Variants in CD2BP2 observed in about 807,000 individuals in gnomAD.
CD2BP2 encodes CD2 cytoplasmic tail binding protein 2.
Under a neutral mutation model 35.9 loss-of-function variants are expected in CD2BP2, and 27 were observed. That is an observed-to-expected ratio of 0.75 (90% CI 0.55 to 1.04). The LOEUF is 1.04. Among genes scored for constraint, CD2BP2 ranks in the 50% least tolerant of loss-of-function variants. CD2BP2 has a pLI of 0.00. For synonymous variants in CD2BP2, 213 were observed against 173.5 expected (o/e 1.23, Z -1.79); for missense variants, 497 against 444.3 (o/e 1.12, Z -1.07).
chr16:30,353,070 G>C lies in CD2BP2; in HGVS notation c.941C>G (p.Pro314Arg), dbSNP rs768023069. 6.2e-7 allele frequency: 1 copy of C among 1,613,958 alleles called. No individual in the cohort carries two copies. Among genetic ancestry groups the C allele is most frequent in the Non-Finnish European group, 8.5e-7 (1 of 1,179,918 alleles). Residue 314 changes from proline to arginine, a missense_variant, in exon 7 of 7, where the codon CCG becomes CGG. Coordinates refer to ENST00000305596, the MANE Select transcript of CD2BP2 (RefSeq NM_006110.3). ...CAGCTTCCGGCAATAAACACCGTCC[G>C]GGAAGTAGCCTTCACTCACCCAGGT... ...MQTWVSEGYF[P>R]DGVYCRKLDP...
At position 30,353,913 on chromosome 16, in the gene CD2BP2, G is replaced by A. The variant is rs1451072749; in HGVS notation, c.363C>T (p.Asp121=). ...RDAQIRDSWL[D]NIDWVKIRER... ...CCCTGGGCCGCACCCAGTCAATGTT[G>A]TCCAGCCAGCTGTCTCGGATCTGAG... Residue 121 remains aspartate (D), a synonymous_variant, in exon 4 of 7, where the codon GAC becomes GAT. Transcript: ENST00000305596. 6.2e-7 allele frequency: 1 copy of A among 1,614,002 alleles called. No homozygotes were observed. Among genetic ancestry groups the A allele is most frequent in the Non-Finnish European group, 8.5e-7 (1 of 1,179,986 alleles).
At position 30,353,896 on chromosome 16, in the gene CD2BP2, C is replaced by T. The variant is rs779162344; in HGVS notation, c.375+5G>A. The T allele has an allele frequency of 4.4e-5, 71 of 1,613,642 alleles. No individual in the cohort carries two copies. The highest frequency in any genetic ancestry group is 8.8e-5 in the South Asian group (8 of 91,092). On this transcript the variant is annotated splice_donor_5th_base_variant and intron_variant, in intron 4 of 6. Coordinates refer to ENST00000305596, the MANE Select transcript of CD2BP2 (RefSeq NM_006110.3). ...GCCCCAGCCACGCCAGCCCCTGGGC[C>T]GCACCCAGTCAATGTTGTCCAGCCA...
chr16:30,353,289 T>TA lies in CD2BP2; in HGVS notation c.809-3dup. 1 of 1,614,048 alleles carries TA rather than the reference T, an allele frequency of 6.2e-7. No homozygotes were observed. ...GACCATCTCCCCGCGACTCTGCTTC[T>TA]AAAATAACAGGCAAAGCCATTTGGC... On this transcript the variant is annotated splice_polypyrimidine_tract_variant and splice_region_variant and intron_variant, in intron 5 of 6. Transcript: ENST00000305596.
At chr16:30,355,013 C>A in intron 1 of CD2BP2, 199 bp downstream of exon 1, 1 of 310,312 alleles carries the variant, frequency 3.2e-6, no homozygotes, top group Non-Finnish European at 6.1e-6. Flanking sequence ...GCCACCGGCT[C>A]CACGGGCTGA....
At chr16:30,354,813 C>T (rs1425611253) in intron 1 of CD2BP2, 106 bp from the exon 2 acceptor site, 6 of 838,468 alleles carry the variant, frequency 7.2e-6, no homozygotes, top group Non-Finnish European at 1.2e-5. Flanking sequence ...AGTTTGGGAG[C>T]GGAGGGAGCA....
At chr16:30,354,539 A>G in intron 2 of CD2BP2, 65 bp downstream of exon 2, 1 of 1,542,536 alleles carries the variant, frequency 6.5e-7, no homozygotes, top group East Asian at 2.3e-5. Flanking sequence ...CTCTCCCGCC[A>G]GCTTTCTTCC....
rs1197366338 is a variant in CD2BP2 at position 30,352,881 on chromosome 16, T to C, written c.*104A>G. ...AAAGGCTTTTATTGGGAAAGGGAAATTGACTGAAAAATGGCCTCCAATTTC... is the reference window on the plus strand; with the variant it reads ...AAAGGCTTTTATTGGGAAAGGGAAACTGACTGAAAAATGGCCTCCAATTTC... On this transcript the variant is annotated 3_prime_UTR_variant, in exon 7 of 7. Transcript: ENST00000305596. 2 of 747,008 alleles carry C rather than the reference T, an allele frequency of 2.7e-6. No homozygotes were observed. The highest frequency in any genetic ancestry group is 1.7e-5 in the African/African-American group (1 of 57,252). The allele number at this position is 747,008 out of a possible 1,614,324, so 46.3% of individuals were successfully genotyped here. A position where few individuals can be genotyped will look rare whatever the true frequency, so the allele number is the denominator to read the frequency against.
At chr16:30,354,756 C>G in intron 1 of CD2BP2, 49 bp from the exon 2 acceptor site, 3 of 1,228,764 alleles carry the variant, frequency 2.4e-6, no homozygotes, top group Non-Finnish European at 3.6e-6. Flanking sequence ...GGGGACTCGC[C>G]AACAGACGCA....
In CD2BP2 at chr16:30,350,880, C is replaced by G. The variant is rs923737097; in HGVS notation, c.*2105G>C. ...GTGCGGCTTTGTTTCTCCACGGAGG[C>G]TCTGGGGCAGAATCCAATGCCTTTT... is the stretch of plus-strand genomic sequence containing the variant. On this transcript the variant is annotated 3_prime_UTR_variant, in exon 7 of 7. Transcript: ENST00000305596. 1 of 152,536 alleles carries G rather than the reference C, an allele frequency of 6.6e-6. No individual in the cohort carries two copies. Among genetic ancestry groups the G allele is most frequent in the African/African-American group, 2.4e-5 (1 of 41,454 alleles). 9.4% of individuals were successfully genotyped at this position (152,536 alleles called of 1,614,324 possible).
intron 2 of CD2BP2, 30 bp from the exon 3 acceptor site, chr16:30,354,352 T>C: frequency 1.9e-6 from 3 of 1,600,906 alleles, no homozygotes; most frequent in East Asian, 2.2e-5. Flanking sequence ...AGTTGAGAAA[T>C]GCAGGTTACT....
At position 30,353,104 on chromosome 16, in the gene CD2BP2, A is replaced by G. The variant is rs1380635030; in HGVS notation, c.916-9T>C. On this transcript the variant is annotated splice_polypyrimidine_tract_variant and intron_variant, in intron 6 of 6. Coordinates refer to ENST00000305596, the MANE Select transcript of CD2BP2 (RefSeq NM_006110.3). Reference sequence around the variant, plus strand: ...CCTTCACTCACCCAGGTCTGCAAGGAGAGGGCAGAGCTGGGGAACAACTGA... The same window carrying G: ...CCTTCACTCACCCAGGTCTGCAAGGGGAGGGCAGAGCTGGGGAACAACTGA... 6.2e-7 allele frequency: 1 copy of G among 1,610,466 alleles called. No individual in the cohort carries two copies. The highest frequency in any genetic ancestry group is 8.5e-7 in the Non-Finnish European group (1 of 1,176,692).
rs1482301286 is a variant in CD2BP2, at chr16:30,353,477, C to T, written c.699G>A (p.Gly233=). ...ERLAMRLKGL[G]CQTLGPHNPT... is the part of the protein sequence containing the mutation. ...GATTGTGGGGTCCTAGGGTCTGACA[C>T]CCCAAACCCTTCAGACGCATAGCCA... is the stretch of plus-strand genomic sequence containing the variant. The change falls in exon 5 of 7, where the codon GGG becomes GGA. Residue 233 remains glycine (G), a synonymous_variant. Transcript: ENST00000305596. The T allele has an allele frequency of 1.9e-6, 3 of 1,613,978 alleles. No homozygotes were observed. Among genetic ancestry groups the T allele is most frequent in the East Asian group, 2.2e-5 (1 of 44,896 alleles).
rs1207243484 is a variant in CD2BP2 at position 30,350,955 on chromosome 16, A to G, written c.*2030T>C. 2.0e-5 allele frequency: 3 copies of G among 152,576 alleles called. No homozygotes were observed. Among genetic ancestry groups the G allele is most frequent in the Non-Finnish European group, 4.4e-5 (3 of 68,052 alleles). The allele number at this position is 152,576 out of a possible 1,614,324, so 9.5% of individuals were successfully genotyped here. On this transcript the variant is annotated 3_prime_UTR_variant, in exon 7 of 7. Coordinates refer to ENST00000305596, the MANE Select transcript of CD2BP2 (RefSeq NM_006110.3). ...TCGCCTGGCCCCAGGCCTTCTTGCC[A>G]TCTTCACAGCCAGAAGCTTCCTTGC...
chr16:30,353,567 G>A lies in CD2BP2; in HGVS notation c.609C>T (p.Ser203=), dbSNP rs369960443. 57 of 1,614,150 alleles carry A rather than the reference G, an allele frequency of 3.5e-5. No homozygotes were observed. Among genetic ancestry groups the A allele is most frequent in the East Asian group, 6.7e-5 (3 of 44,884 alleles). ...GGGCCACCATCTGGTCGGCCAACCC[G>A]GAGAGCCGGTCCAGGCGCTGAGGGG... ...PSSPQRLDRL[S]GLADQMVARG... is the part of the protein sequence containing the mutation. Residue 203 remains serine, a synonymous_variant, in exon 5 of 7, where the codon TCC becomes TCT. Coordinates refer to ENST00000305596, the MANE Select transcript of CD2BP2 (RefSeq NM_006110.3).
rs1217134781 is a variant in CD2BP2 at position 30,352,209 on chromosome 16, AGGTCTGGGAAAGGAGCCCACTG to A, written c.*754_*775del. ...GGCAGCAAAGGCTTTGTGCCAAGAAAGGTCTGGGAAAGGAGCCCACTGGGTCTGGGCCAGCCCTTTGATTCCT... is the reference window on the plus strand; with the variant it reads ...GGCAGCAAAGGCTTTGTGCCAAGAAAGGTCTGGGCCAGCCCTTTGATTCCT... On this transcript the variant is annotated 3_prime_UTR_variant, in exon 7 of 7. Coordinates refer to ENST00000305596, the MANE Select transcript of CD2BP2 (RefSeq NM_006110.3). 1 of 152,382 alleles carries A rather than the reference AGGTCTGGGAAAGGAGCCCACTG, an allele frequency of 6.6e-6. No individual in the cohort carries two copies. Among genetic ancestry groups the A allele is most frequent in the Non-Finnish European group, 1.5e-5 (1 of 68,156 alleles). 9.4% of individuals were successfully genotyped at this position (152,382 alleles called of 1,614,324 possible).
rs1158862084 is a variant in CD2BP2, at chr16:30,353,380, T to C, written c.796A>G (p.Thr266Ala). 2.5e-6 allele frequency: 4 copies of C among 1,613,842 alleles called. No individual in the cohort carries two copies. The highest frequency in any genetic ancestry group is 3.3e-5 in the Admixed American group (2 of 59,994). ...CCTCCAAGCTCACCTCCTCTCTGGGTAGGGGTTGGGGTCTCCAGTTCCTCC... is the reference window on the plus strand; with the variant it reads ...CCTCCAAGCTCACCTCCTCTCTGGGCAGGGGTTGGGGTCTCCAGTTCCTCC... ...AEEELETPTP[T>A]QRGEAESRGD... Residue 266 changes from threonine to alanine, a missense_variant, in exon 5 of 7, where the codon ACC becomes GCC. By Grantham distance (58) the Thr-to-Ala change is moderately conservative (BLOSUM62 0). Transcript: ENST00000305596.
In CD2BP2 at chr16:30,351,786, T is replaced by G. The variant is rs1343935799; in HGVS notation, c.*1199A>C. On this transcript the variant is annotated 3_prime_UTR_variant, in exon 7 of 7. Transcript: ENST00000305596. ...TGTGCCTAAACCATGGGGATCTGACTCAGGGGCTCTCTCTCGGCCTGGCTG... is the reference window on the plus strand; with the variant it reads ...TGTGCCTAAACCATGGGGATCTGACGCAGGGGCTCTCTCTCGGCCTGGCTG... 1 of 152,728 alleles carries G rather than the reference T, an allele frequency of 6.5e-6. No individual in the cohort carries two copies. Among genetic ancestry groups the G allele is most frequent in the African/African-American group, 2.4e-5 (1 of 41,448 alleles). The allele number at this position is 152,728 out of a possible 1,614,324, so 9.5% of individuals were successfully genotyped here. A position where few individuals can be genotyped will look rare whatever the true frequency, so the allele number is the denominator to read the frequency against.
At chr16:30,354,094 G>A in intron 3 of CD2BP2, 36 bp from the exon 4 acceptor site, 3 of 1,601,028 alleles carry the variant, frequency 1.9e-6, no homozygotes, top group Non-Finnish European at 2.6e-6. Flanking sequence ...TTCCAGGCAT[G>A]GAAAAAAGAG....
At position 30,352,661 on chromosome 16, in the gene CD2BP2, G is replaced by A. The variant is rs540550609; in HGVS notation, c.*324C>T. The A allele has an allele frequency of 2.6e-5, 8 of 308,208 alleles. No individual in the cohort carries two copies. Among genetic ancestry groups the A allele is most frequent in the Non-Finnish European group, 4.3e-5 (7 of 163,862 alleles). The allele number at this position is 308,208 out of a possible 1,614,324, so 19.1% of individuals were successfully genotyped here. A position where few individuals can be genotyped will look rare whatever the true frequency, so the allele number is the denominator to read the frequency against. The stretch of plus-strand genomic sequence containing the variant: ...GGAATCGAACAAGAAACCTGGGAGA[G>A]GAGCACAGAGCAGCGCAGTTGGGGG... On this transcript the variant is annotated 3_prime_UTR_variant, in exon 7 of 7. Transcript: ENST00000305596.
Sources: gnomAD v4.1 joint callset for allele counts on GRCh38, gnomAD v4.1.1 for gene constraint, MANE v1.5 for transcripts, NCBI Gene and HGNC (gene_info 2026-07-23, HGNC 2026-07-21) for gene names.